PCDHGA7: variants seen among roughly 807,000 people sequenced by gnomAD.
The protein encoded by PCDHGA7 is protocadherin gamma subfamily A, 7, also known as protocadherin gamma-A7.
PCDHGA7 carries 44 observed loss-of-function variants against 58.3 expected under a neutral mutation model. The ratio of observed to expected loss-of-function variants is 0.75; its 90% CI spans 0.59 to 0.97. The LOEUF is 0.97. Ranked by LOEUF, PCDHGA7 falls within the 50% of genes least tolerant of loss-of-function variation. The pLI, the probability that PCDHGA7 is intolerant of heterozygous loss-of-function variation, is 0.00. For synonymous variants in PCDHGA7, 516 were observed against 504.2 expected, an observed-to-expected ratio of 1.02 and a Z score of -0.31; for missense variants, 1,266 against 1,188.7, an observed-to-expected ratio of 1.06 and a Z score of -0.96.
Position 141,409,176 on chromosome 5 carries a change from G to A in PCDHGA7, c.2424+23853G>A. On this transcript the variant is annotated intron_variant, in intron 1 of 3. Transcript: ENST00000518325. ...ATGGAAGTGGAAGCGAAGGACGGAG[G>A]TGGTCTCTCTACCCAGTGTAAAGTA... The A allele has an allele frequency of 6.2e-7, 1 of 1,614,026 alleles. No individual in the cohort carries two copies. The highest frequency in any genetic ancestry group is 8.5e-7 in the Non-Finnish European group (1 of 1,179,892).
chr5:141,399,528 C>T (rs749580875), intron 1 of PCDHGA7: 10 of 1,613,928 alleles, frequency 6.2e-6, no homozygotes, highest in Non-Finnish European at 7.6e-6. Context: ...GGGCCTCCAT[C>T]GCGCAAGTCT....
intron 1 of PCDHGA7, among the ~76,000 whole-genome samples, chr5:141,461,819 A>G (rs573339238): frequency 1.3e-5 from 2 of 149,282 alleles, no homozygotes; most frequent in African/African-American, 2.5e-5. Flanking sequence ...ACACCCAGCT[A>G]ATTTTTTTTT....
rs779292483 is a variant in PCDHGA7 at position 141,491,102 on chromosome 5, T to C, written c.2425-3705T>C. The C allele has an allele frequency of 6.2e-7, 1 of 1,614,152 alleles. No individual in the cohort carries two copies. Among genetic ancestry groups the C allele is most frequent in the Non-Finnish European group, 8.5e-7 (1 of 1,180,006 alleles). ...TCCACAGCCCCAGGACTGTTCCTCG[T>C]GTCTACACACACTGGTGAGGTGCGC... On this transcript the variant is annotated intron_variant, in intron 1 of 3. Transcript: ENST00000518325. This position sits in a 1 kb window ranked among gnomAD's most constrained non-coding sequence, Gnocchi z 6.9.
At position 141,413,788 on chromosome 5, in the gene PCDHGA7, G is replaced by A. The variant is rs2095678300; in HGVS notation, c.2424+28465G>A. The A allele has an allele frequency of 2.1e-5, 34 of 1,613,166 alleles. No individual in the cohort carries two copies. Among genetic ancestry groups the A allele is most frequent in the Non-Finnish European group, 2.8e-5 (33 of 1,179,876 alleles). ...GGAGCTGGTACTGGAGCACTCCCTA[G>A]ATCGCGAGGAAGAGGCCATTCACCA... is the stretch of plus-strand genomic sequence containing the variant. On this transcript the variant is annotated intron_variant, in intron 1 of 3. Coordinates refer to ENST00000518325, the MANE Select transcript of PCDHGA7 (RefSeq NM_018920.4).
At chr5:141,450,772 C>T (rs544188262) in intron 1 of PCDHGA7, among the ~76,000 whole-genome samples, 1 of 151,944 alleles carries the variant, frequency 6.6e-6, no homozygotes, top group African/African-American at 2.4e-5. Flanking sequence ...CAGGCATGAG[C>T]CACCGTGCCC....
intron 1 of PCDHGA7, among the ~76,000 whole-genome samples, chr5:141,444,150 GGATT>G (rs2098419499): frequency 1.8e-5 from 2 of 114,014 alleles, no homozygotes; most frequent in Non-Finnish European, 1.7e-5. Flanking sequence ...TGTGTGTACT[GGATT>G]TTTTTTTTTT....
At chr5:141,413,626 G>T (rs757785567) in intron 1 of PCDHGA7, 24 of 1,613,680 alleles carry the variant, frequency 1.5e-5, no homozygotes, top group Non-Finnish European at 1.7e-5. Context: ...TGAAAATGTC[G>T]CTGCGGGAAT....
intron 1 of PCDHGA7, chr5:141,404,222 G>A (rs1407928050): frequency 6.2e-7 from 1 of 1,613,616 alleles, no homozygotes; most frequent in Admixed American, 1.7e-5. Context: ...CACGGTGACT[G>A]CAACAGACAG....
intron 1 of PCDHGA7, among the ~76,000 whole-genome samples, chr5:141,484,321 G>A (rs2099594762): frequency 6.6e-6 from 1 of 152,124 alleles, no homozygotes; most frequent in Non-Finnish European, 1.5e-5. Flanking sequence ...CTTCCATACT[G>A]TCCTTGAAAT....
chr5:141,423,875 A>G (rs1354115544), intron 1 of PCDHGA7: 8 of 1,282,448 alleles, frequency 6.2e-6, no homozygotes, highest in African/African-American at 3.1e-5. Context: ...TCATTTTTCA[A>G]TCTTGGCATA....
chr5:141,428,176 A>G (rs751446929), intron 1 of PCDHGA7: 21 of 1,507,402 alleles, frequency 1.4e-5, no homozygotes, highest in Non-Finnish European at 1.9e-5. Context: ...TGCGTGACGG[A>G]GGACAGCCGC....
chr5:141,504,836 C>A (rs550489904), intron 2 of PCDHGA7, among the ~76,000 whole-genome samples: 2 of 152,200 alleles, frequency 1.3e-5, no homozygotes, highest in East Asian at 3.9e-4. Context: ...TTTTCTCTAG[C>A]TCTGGAACAT....
At chr5:141,439,947 T>C (rs2098140958) in intron 1 of PCDHGA7, 1 of 152,516 alleles carries the variant, frequency 6.6e-6, no homozygotes, top group Non-Finnish European at 1.5e-5. Flanking sequence ...TTCTCTATGA[T>C]GCAGATCCGT....
At position 141,433,188 on chromosome 5, in the gene PCDHGA7, G is replaced by A. The variant is rs2097573612; in HGVS notation, c.2424+47865G>A. The A allele has an allele frequency of 2.5e-6, 4 of 1,583,816 alleles. No homozygotes were observed. The South Asian group carries it at 3.5e-5, about 14-fold the overall frequency. On this transcript the variant is annotated intron_variant, in intron 1 of 3. Coordinates refer to ENST00000518325, the MANE Select transcript of PCDHGA7 (RefSeq NM_018920.4). ...GACAGTCATGGGTTAATTGAGGTGA[G>A]TTTATATCAAATCTTCTTTCTTTTT...
At chr5:141,393,430 C>G in intron 1 of PCDHGA7, 1 of 1,614,040 alleles carries the variant, frequency 6.2e-7, no homozygotes, top group Non-Finnish European at 8.5e-7. Context: ...GAGGAAGAGG[C>G]TGCTCACCAC....
At chr5:141,481,220 C>T (rs896803040) in intron 1 of PCDHGA7, among the ~76,000 whole-genome samples, 1 of 152,130 alleles carries the variant, frequency 6.6e-6, no homozygotes, top group African/African-American at 2.4e-5. Context: ...GGTAAGGTCT[C>T]CCAGCCTTAA....
At chr5:141,389,631 G>A (rs1390648430) in intron 1 of PCDHGA7, 15 of 1,612,998 alleles carry the variant, frequency 9.3e-6, no homozygotes, top group African/African-American at 1.3e-5. Flanking sequence ...TGCAGAGCCT[G>A]GCTACTTGGT....
rs1350353768 is a variant in PCDHGA7, at chr5:141,476,524, T to A, written c.2425-18283T>A. Reference sequence around the variant, plus strand: ...TCAACGACAACAATCCTGCTTTCCCTACCCAGGAAATGAAATTGGAGATTA... The same window carrying A: ...TCAACGACAACAATCCTGCTTTCCCAACCCAGGAAATGAAATTGGAGATTA... On this transcript the variant is annotated intron_variant, in intron 1 of 3. Coordinates refer to ENST00000518325, the MANE Select transcript of PCDHGA7 (RefSeq NM_018920.4). The surrounding 1 kb of genome is among the most constrained non-coding windows in gnomAD (Gnocchi z 7.6). The A allele has an allele frequency of 1.2e-5, 20 of 1,614,064 alleles. No homozygotes were observed. The highest frequency in any genetic ancestry group is 1.7e-5 in the Non-Finnish European group (20 of 1,180,036).
Position 141,486,695 on chromosome 5 carries a change from A to T in PCDHGA7, c.2425-8112A>T. On this transcript the variant is annotated intron_variant, in intron 1 of 3. Coordinates refer to ENST00000518325, the MANE Select transcript of PCDHGA7 (RefSeq NM_018920.4). The surrounding 1 kb of genome is among the most constrained non-coding windows in gnomAD (Gnocchi z 5.0). ...TCGAGATGTATCAGCTTCCTCTTTC[A>T]TCTCTCTGAACCCCCAGACAGGAGC... The T allele has an allele frequency of 6.2e-7, 1 of 1,613,912 alleles. No homozygotes were observed. The highest frequency in any genetic ancestry group is 8.5e-7 in the Non-Finnish European group (1 of 1,179,980).
Sources: allele counts gnomAD v4.1 joint callset (sites outside exome capture counted in the v4.1 genomes callset), GRCh38; gene constraint gnomAD v4.1.1; non-coding constraint Gnocchi (gnomAD v3.1); transcripts MANE v1.5; gene names NCBI Gene and HGNC (gene_info 2026-07-23, HGNC 2026-07-21).